PIGG: variants seen among roughly 807,000 people sequenced by gnomAD.
PIGG encodes the protein GPI ethanolamine phosphate transferase 2, catalytic subunit.
Under a neutral mutation model 83.2 loss-of-function variants are expected in PIGG, and 70 were observed. That is an observed-to-expected ratio of 0.84 (90% CI 0.69 to 1.03). PIGG has a LOEUF of 1.03. Among genes scored for constraint, PIGG ranks in the 50% least tolerant of loss-of-function variants. The pLI is 0.00. For missense variants in PIGG, 1,257 were observed against 1,233.6 expected, an observed-to-expected ratio of 1.02 and a Z score of -0.28; for synonymous variants, 532 against 519.5, an observed-to-expected ratio of 1.02 and a Z score of -0.33.
chr4:534,521 CAG>C (rs1480468245), intron 12 of PIGG, among the ~76,000 whole-genome samples: 1 of 152,190 alleles, frequency 6.6e-6, no homozygotes, highest in African/African-American at 2.4e-5. Flanking sequence ...GTTGGAAAAA[CAG>C]GGTGGGGGGC....
rs1731583788 is a variant in PIGG, at chr4:539,618, A to G, written c.*249A>G. On this transcript the variant is annotated 3_prime_UTR_variant, in exon 13 of 13. Transcript: ENST00000453061. The stretch of plus-strand genomic sequence containing the variant: ...TCTGAATAAGCTATGGTGTGACCCA[A>G]ATATGTGTGTTTAAATCAATGAATG... 2.4e-6 allele frequency: 1 copy of G among 424,594 alleles called. No individual in the cohort carries two copies. Among genetic ancestry groups the G allele is most frequent in the East Asian group, 4.3e-5 (1 of 23,362 alleles). The allele number at this position is 424,594 out of a possible 1,614,324, so 26.3% of individuals were successfully genotyped here.
intron 3 of PIGG, among the ~76,000 whole-genome samples, chr4:506,140 G>C (rs1278218317): frequency 6.6e-6 from 1 of 152,018 alleles, no homozygotes; most frequent in East Asian, 1.9e-4. Flanking sequence ...GAGTTTTATG[G>C]AACCCAAAGC....
chr4:500,171 G>A (rs1029180851), intron 1 of PIGG: 84 of 568,602 alleles, frequency 1.5e-4, no homozygotes, highest in Admixed American at 3.1e-5. Context: ...CCATACTGAG[G>A]ATAATTCACT....
At chr4:499,743 C>G (rs1457616246) in intron 1 of PIGG, 10 of 1,342,170 alleles carry the variant, frequency 7.5e-6, no homozygotes, top group Non-Finnish European at 9.5e-6. Context: ...GTGTCCATAC[C>G]TGGGATCCAG....
Position 539,265 on chromosome 4 carries a change from G to T in PIGG, c.2848G>T (p.Val950Leu). 6.2e-7 allele frequency: 1 copy of T among 1,611,506 alleles called. No individual in the cohort carries two copies. The highest frequency in any genetic ancestry group is 8.5e-7 in the Non-Finnish European group (1 of 1,177,644). ...SLRYHLFIWSVFSPKLLYEGM... is the reference protein window; with the variant it reads ...SLRYHLFIWSLFSPKLLYEGM... ...GCGTTATCATTTATTTATATGGAGTGTATTTTCTCCAAAACTTCTCTACGA... is the reference window on the plus strand; with the variant it reads ...GCGTTATCATTTATTTATATGGAGTTTATTTTCTCCAAAACTTCTCTACGA... The change falls in exon 13 of 13, where the codon GTA (valine) becomes TTA (leucine). Residue 950 changes from valine (V) to leucine (L), a missense_variant. By Grantham distance (32) the Val-to-Leu change is conservative (BLOSUM62 1). Coordinates refer to ENST00000453061, the MANE Select transcript of PIGG (RefSeq NM_001127178.3).
At chr4:521,310 ATTGAT>A (rs546372871) in intron 7 of PIGG, 37 bp downstream of exon 7, 544 of 1,400,112 alleles carry the variant, frequency 3.9e-4, no homozygotes, top group Non-Finnish European at 5.2e-4. Flanking sequence ...CAGGTGTTGC[ATTGAT>A]TTGATAACTC....
chr4:515,260 G>A lies in PIGG; in HGVS notation c.902-713G>A, dbSNP rs1219387838. ...CTGTCTTTACAGATGAAAACACTTC[G>A]ACCAAGTTGAGTTTCTGCTCCGAAA... On this transcript the variant is annotated intron_variant, in intron 5 of 12. Transcript: ENST00000453061. The surrounding 1 kb of genome is among the most constrained non-coding windows in gnomAD (Gnocchi z 4.2). Among the ~76,000 whole-genome samples, 1 of 152,192 alleles carries A rather than the reference G, an allele frequency of 6.6e-6. No homozygotes were observed. Among genetic ancestry groups the A allele is most frequent in the East Asian group, 1.9e-4 (1 of 5,190 alleles).
chr4:499,560 C>T, intron 1 of PIGG, 71 bp downstream of exon 1: 3 of 1,473,890 alleles, frequency 2.0e-6, no homozygotes, highest in South Asian at 2.6e-5. Flanking sequence ...TTCTGAGCCT[C>T]GCTGCTCGGA....
intron 5 of PIGG, among the ~76,000 whole-genome samples, chr4:514,056 T>G (rs1348646120): frequency 6.6e-6 from 1 of 152,208 alleles, no homozygotes; most frequent in Non-Finnish European, 1.5e-5. Flanking sequence ...CAAAGCATGT[T>G]AACGTCTTTA....
rs1726793264 is a variant in PIGG, at chr4:523,845, G to C, written c.2001G>C (p.Leu667=). The C allele has an allele frequency of 1.2e-6, 2 of 1,600,352 alleles. No homozygotes were observed. Among genetic ancestry groups the C allele is most frequent in the Non-Finnish European group, 1.7e-6 (2 of 1,173,806 alleles). The change falls in exon 9 of 13, where the codon CTG becomes CTC. Residue 667 remains leucine, a synonymous_variant. Coordinates refer to ENST00000453061, the MANE Select transcript of PIGG (RefSeq NM_001127178.3). ...SPWLILACCR[L]LRSLNQTGVQ... is the part of the protein sequence containing the mutation. ...GGCTAATACTGGCCTGCTGCCGGCTGCTGCGCTCCCTAAACCAGACAGGTG... is the reference window on the plus strand; with the variant it reads ...GGCTAATACTGGCCTGCTGCCGGCTCCTGCGCTCCCTAAACCAGACAGGTG...
In PIGG at chr4:521,202, T is replaced by C; in HGVS notation, c.1261T>C (p.Leu421=). ...CCTGGATGCTCTGAAGACGCTGAGC[T>C]TGTCCCTGAGTGCACAAGTGGCCCA... The part of the protein sequence containing the change: ...QYLDALKTLS[L]SLSAQVAQYD... The change falls in exon 7 of 13, where the codon TTG becomes CTG. Residue 421 remains leucine (L), a synonymous_variant. Transcript: ENST00000453061. 5.0e-6 allele frequency: 8 copies of C among 1,614,182 alleles called. No individual in the cohort carries two copies. Among genetic ancestry groups the C allele is most frequent in the Non-Finnish European group, 6.8e-6 (8 of 1,180,020 alleles).
At chr4:526,361 G>A (rs757295151) in intron 9 of PIGG, among the ~76,000 whole-genome samples, 41 of 152,340 alleles carry the variant, frequency 2.7e-4, no homozygotes, top group South Asian at 6.2e-4. Context: ...AAGGGAGCCC[G>A]GCCTTCCCCA....
In PIGG at chr4:500,389, C is replaced by T. The variant is rs1553874924; in HGVS notation, c.155-7C>T. On this transcript the variant is annotated splice_polypyrimidine_tract_variant and splice_region_variant and intron_variant, in intron 1 of 12. Coordinates refer to ENST00000453061, the MANE Select transcript of PIGG (RefSeq NM_001127178.3). ...TCAATTTCCTTTTTTTTCTTTCAAACACTTAGGAGCCAGTTCTAACTGGAC... is the reference window on the plus strand; with the variant it reads ...TCAATTTCCTTTTTTTTCTTTCAAATACTTAGGAGCCAGTTCTAACTGGAC... The T allele has an allele frequency of 6.2e-7, 1 of 1,607,512 alleles. No homozygotes were observed. The highest frequency in any genetic ancestry group is 1.7e-5 in the Admixed American group (1 of 59,686).
chr4:530,706 G>A lies in PIGG; in HGVS notation c.2532G>A (p.Val844=). Reference sequence around the variant, plus strand: ...GACACGATGCAGCTGAGATTACTGTGATGCATTATTGGTTTGGTCAAGCAT... The same window carrying A: ...GACACGATGCAGCTGAGATTACTGTAATGCATTATTGGTTTGGTCAAGCAT... ...PLRHDAAEIT[V]MHYWFGQAFF... is the part of the protein sequence containing the mutation. Residue 844 remains valine, a synonymous_variant, in exon 11 of 13, where the codon GTG becomes GTA. Coordinates refer to ENST00000453061, the MANE Select transcript of PIGG (RefSeq NM_001127178.3). 1 of 1,613,610 alleles carries A rather than the reference G, an allele frequency of 6.2e-7. No homozygotes were observed. The highest frequency in any genetic ancestry group is 8.5e-7 in the Non-Finnish European group (1 of 1,179,550).
At chr4:509,049 A>AT (rs782138633) in intron 5 of PIGG, 79 bp downstream of exon 5, 1 of 1,248,002 alleles carries the variant, frequency 8.0e-7, no homozygotes, top group East Asian at 2.4e-5. Flanking sequence ...TTGAAAACCT[A>AT]TTTTTTAGAA....
chr4:501,192 C>T (rs1251320341), intron 2 of PIGG: 1 of 454,866 alleles, frequency 2.2e-6, no homozygotes, highest in Admixed American at 2.4e-5. Flanking sequence ...TTGATTGGCT[C>T]AAAACTTTTG....
chr4:523,327 GC>G, intron 8 of PIGG, 131 bp from the exon 9 acceptor site: 1 of 718,452 alleles, frequency 1.4e-6, no homozygotes. Context: ...CAGAGTAGGG[GC>G]CCAGGTGCTG....
intron 2 of PIGG, chr4:501,484 A>G (rs1417487382): frequency 4.7e-6 from 1 of 213,370 alleles, no homozygotes; most frequent in Non-Finnish European, 9.5e-6. Context: ...GTGTGAGTGT[A>G]TCGCATGTGA....
At chr4:523,395 A>G in intron 8 of PIGG, 64 bp from the exon 9 acceptor site, 1 of 1,171,670 alleles carries the variant, frequency 8.5e-7, no homozygotes, top group Non-Finnish European at 1.2e-6. Context: ...CAAGGACTTG[A>G]CATGCAGCAA....
Sources: gnomAD v4.1 joint callset for allele counts (sites outside exome capture counted in the v4.1 genomes callset) on GRCh38, gnomAD v4.1.1 for gene constraint, Gnocchi (gnomAD v3.1) non-coding constraint, MANE v1.5 for transcripts, NCBI Gene and HGNC (gene_info 2026-07-23, HGNC 2026-07-21) for gene names.